Variants in ATG13 observed in about 807,000 individuals in gnomAD.
The protein encoded by ATG13 is autophagy related 13.
ATG13 carries 23 observed loss-of-function variants against 65.5 expected under a neutral mutation model. That is an observed-to-expected ratio of 0.35 (90% CI 0.25 to 0.50). The LOEUF (loss-of-function observed/expected upper bound fraction) is 0.50. ATG13 is among the 20% of genes least tolerant of loss of function. The pLI is 0.98. For missense variants in ATG13, 566 were observed against 677.0 expected (o/e 0.84, Z 1.82); for synonymous variants, 252 against 245.2 (o/e 1.03, Z -0.26).
chr11:46,648,824 G>A, intron 5 of ATG13: 1 of 169,122 alleles, frequency 5.9e-6, no homozygotes. Context: ...CAACCTTTAT[G>A]TCCAAGAATT....
At position 46,645,997 on chromosome 11, in the gene ATG13, T is replaced by G; in HGVS notation, c.270+8T>G. ...TCACTTAAGACTTCTGAGGTAAGGC[T>G]ATGGCCAGGTTGGTGTCTTCATTTA... On this transcript the variant is annotated splice_region_variant and intron_variant, in intron 5 of 18. Transcript: ENST00000683050. 6.2e-7 allele frequency: 1 copy of G among 1,614,082 alleles called. No homozygotes were observed. Among genetic ancestry groups the G allele is most frequent in the Non-Finnish European group, 8.5e-7 (1 of 1,179,940 alleles).
At chr11:46,650,059 T>G in intron 6 of ATG13, 118 bp from the exon 7 acceptor site, 2 of 1,137,588 alleles carry the variant, frequency 1.8e-6, no homozygotes, top group Non-Finnish European at 2.4e-6. Flanking sequence ...AGTAATCTGT[T>G]GATAAAGGTG....
At chr11:46,643,097 C>T (rs535954093) in intron 2 of ATG13, among the ~76,000 whole-genome samples, 94 of 152,142 alleles carry the variant, frequency 6.2e-4, no homozygotes, top group African/African-American at 2.2e-3. Context: ...TCAGCATAGC[C>T]GAGTTCTGAT....
intron 1 of ATG13, among the ~76,000 whole-genome samples, chr11:46,621,910 T>C (rs2047633692): frequency 6.6e-6 from 1 of 151,610 alleles, no homozygotes; most frequent in Non-Finnish European, 1.5e-5. Flanking sequence ...TTGTACTCTT[T>C]ATGGAATCTG....
intron 1 of ATG13, chr11:46,621,265 G>C (rs1240841791): frequency 1.3e-5 from 2 of 152,066 alleles, no homozygotes; most frequent in Non-Finnish European, 2.9e-5. Context: ...CACCCACCTT[G>C]GCCTCCCAAA....
chr11:46,620,668 G>T (rs961053534), intron 1 of ATG13, among the ~76,000 whole-genome samples: 3 of 151,770 alleles, frequency 2.0e-5, no homozygotes, highest in Non-Finnish European at 4.4e-5. Context: ...CCAGCTACTC[G>T]GGAGGCTGAG....
intron 5 of ATG13, 110 bp from the exon 6 acceptor site, chr11:46,649,027 C>T: frequency 1.2e-6 from 1 of 859,312 alleles, no homozygotes; most frequent in Non-Finnish European, 1.7e-6. Context: ...AAGTTGATAT[C>T]TATTCTTTTT....
At chr11:46,642,834 C>G (rs547710406) in intron 2 of ATG13, among the ~76,000 whole-genome samples, 1 of 152,194 alleles carries the variant, frequency 6.6e-6, no homozygotes, top group Non-Finnish European at 1.5e-5. Flanking sequence ...TCCCCTGTCT[C>G]GCACACTAGG....
intron 1 of ATG13, among the ~76,000 whole-genome samples, chr11:46,622,237 C>T (rs1812826495): frequency 6.6e-6 from 1 of 150,782 alleles, no homozygotes; most frequent in South Asian, 2.1e-4. Context: ...CCCGCCTCAG[C>T]CTCCCGTCTA....
Position 46,672,555 on chromosome 11 carries a change from T to TG in ATG13, c.*225dup. 1.4e-5 allele frequency: 20 copies of TG among 1,444,032 alleles called. No individual in the cohort carries two copies. The highest frequency in any genetic ancestry group is 1.8e-5 in the Non-Finnish European group (20 of 1,095,660). The allele number at this position is 1,444,032 out of a possible 1,614,324, so 89.5% of individuals were successfully genotyped here. On this transcript the variant is annotated 3_prime_UTR_variant, in exon 19 of 19. Coordinates refer to ENST00000683050, the MANE Select transcript of ATG13 (RefSeq NM_001346311.2). Reference sequence around the variant, plus strand: ...TTGGAGAAGACTCACGTGCTGGCCTTGGAGATGGGAAGAACCTTCGTACGA... The same window carrying TG: ...TTGGAGAAGACTCACGTGCTGGCCTTGGGAGATGGGAAGAACCTTCGTACGA...
At position 46,664,743 on chromosome 11, in the gene ATG13, G is replaced by A. The variant is rs1185330023; in HGVS notation, c.889-106G>A. The A allele has an allele frequency of 4.0e-6, 4 of 999,240 alleles. No homozygotes were observed. In the East Asian group the frequency reaches 9.6e-5, roughly 24 times the overall value. 61.9% of individuals were successfully genotyped at this position (999,240 alleles called of 1,614,324 possible). On this transcript the variant is annotated intron_variant, in intron 12 of 18. Transcript: ENST00000683050. ...CCCTGCACTGTGGGCATGTGGGCGG[G>A]AGCCATTCCTTATCTCTCTACTGAG...
chr11:46,664,360 GTATTCT>G (rs1204141059), intron 12 of ATG13, among the ~76,000 whole-genome samples: 1 of 152,084 alleles, frequency 6.6e-6, no homozygotes, highest in Non-Finnish European at 1.5e-5. Context: ...CTCACAACTG[GTATTCT>G]GTCTTTTTTC....
At chr11:46,633,902 A>T (rs892368736) in intron 2 of ATG13, among the ~76,000 whole-genome samples, 12 of 152,120 alleles carry the variant, frequency 7.9e-5, no homozygotes, top group African/African-American at 2.9e-4. Flanking sequence ...AGTTTCTTTT[A>T]CTTCATTAAG....
At chr11:46,659,939 T>G (rs2060797976) in intron 11 of ATG13, 1 of 156,268 alleles carries the variant, frequency 6.4e-6, no homozygotes, top group African/African-American at 2.4e-5. Context: ...GATTTCTGCT[T>G]GTGTGTATTC....
intron 1 of ATG13, chr11:46,618,451 G>C (rs2046081474): frequency 6.6e-6 from 1 of 152,168 alleles, no homozygotes; most frequent in Non-Finnish European, 1.5e-5. Context: ...TTCCCAGTTA[G>C]CCTGGTCAAT....
intron 7 of ATG13, among the ~76,000 whole-genome samples, chr11:46,651,244 C>G (rs905918682): frequency 6.6e-6 from 1 of 151,930 alleles, no homozygotes; most frequent in Admixed American, 6.5e-5. Context: ...AAACCAGAAT[C>G]AGGAAAAAAA....
intron 15 of ATG13, 82 bp from the exon 16 acceptor site, chr11:46,668,417 T>C (rs2062888589): frequency 1.4e-6 from 2 of 1,422,754 alleles, no homozygotes; most frequent in African/African-American, 1.4e-5. Context: ...TTGCTGGACC[T>C]CTAGGCTTCT....
chr11:46,634,344 G>C (rs937468405), intron 2 of ATG13, among the ~76,000 whole-genome samples: 1 of 151,434 alleles, frequency 6.6e-6, no homozygotes, highest in Non-Finnish European at 1.5e-5. Flanking sequence ...GTGATCCACC[G>C]GCCTCGGCCT....
chr11:46,651,762 C>A lies in ATG13; in HGVS notation c.458+1445C>A, dbSNP rs73451865. ...AGCAAGCCTAACCATGTCTATTTTT[C>A]TAGGTCTTTAATAAATTTTTGCCGT... On this transcript the variant is annotated intron_variant, in intron 7 of 18. Coordinates refer to ENST00000683050, the MANE Select transcript of ATG13 (RefSeq NM_001346311.2). 8.6e-3 allele frequency among the ~76,000 whole-genome samples: 1,316 copies of A among 152,206 alleles called. 22 individuals carry two copies. The highest frequency in any genetic ancestry group is 0.03 in the African/African-American group (1,259 of 41,534).
Sources: allele counts gnomAD v4.1 joint callset (sites outside exome capture counted in the v4.1 genomes callset), GRCh38; gene constraint gnomAD v4.1.1; transcripts MANE v1.5; gene names NCBI Gene and HGNC (gene_info 2026-07-23, HGNC 2026-07-21).